The following MACF1 variants were observed in gnomAD, a reference collection of about 807,000 sequenced individuals.
MACF1 encodes microtubule actin crosslinking factor 1.
Under a neutral mutation model 854.8 loss-of-function variants are expected in MACF1, and 193 were observed. That is an observed-to-expected ratio of 0.23 (90% CI 0.20 to 0.25). The LOEUF is 0.25. MACF1 is among the 10% of genes least tolerant of loss of function. The pLI, the probability that MACF1 is intolerant of heterozygous loss-of-function variation, is 1.00. For missense variants in MACF1, 7,722 were observed against 8,929.1 expected, an observed-to-expected ratio of 0.86 and a Z score of 5.45; for synonymous variants, 3,185 against 3,226.7, an observed-to-expected ratio of 0.99 and a Z score of 0.44.
chr1:39,341,034 TC>T, intron 40 of MACF1, 81 bp downstream of exon 40: 4 of 1,144,254 alleles, frequency 3.5e-6, no homozygotes, highest in Non-Finnish European at 4.8e-6. Context: ...TCCATATTTA[TC>T]TTTTTTTTTT....
At chr1:39,274,866 T>G (rs956764738) in intron 6 of MACF1, among the ~76,000 whole-genome samples, 1 of 152,252 alleles carries the variant, frequency 6.6e-6, no homozygotes, top group East Asian at 1.9e-4. Flanking sequence ...GAGAATAATA[T>G]GAATTAATAC....
chr1:39,379,160 C>A, intron 53 of MACF1, 43 bp from the exon 54 acceptor site: 1 of 1,527,182 alleles, frequency 6.5e-7, no homozygotes, highest in South Asian at 1.3e-5. Flanking sequence ...GGAGCATACT[C>A]GAAGAGCTGT....
At position 39,444,796 on chromosome 1, in the gene MACF1, G is replaced by T; in HGVS notation, c.19566G>T (p.Gln6522His). Residue 6522 changes from glutamine (Q) to histidine (H), a missense_variant, in exon 80 of 101, where the codon CAG (glutamine) becomes CAT (histidine). Gln to His is a conservative substitution (Grantham distance 24). Around this residue, in one of 15 missense-constraint regions of MACF1, gnomAD observed 729 missense variants for 900.5 expected, o/e 0.81. Coordinates refer to ENST00000564288, the MANE Select transcript of MACF1 (RefSeq NM_001394062.1). ...AACAGAGTGTAGCACTTTTGGAGCA[G>T]AAGTGGCATGTGGTCAGCAGTAAGA... Reference protein sequence around the residue: ...KTEQSVALLEQKWHVVSSKME... With the variant: ...KTEQSVALLEHKWHVVSSKME... 1 of 1,613,448 alleles carries T rather than the reference G, an allele frequency of 6.2e-7. No homozygotes were observed. Among genetic ancestry groups the T allele is most frequent in the Non-Finnish European group, 8.5e-7 (1 of 1,179,456 alleles).
chr1:39,091,689 G>A (rs1436244928), intron 2 of MACF1, among the ~76,000 whole-genome samples: 1 of 151,970 alleles, frequency 6.6e-6, no homozygotes, highest in African/African-American at 2.4e-5. Context: ...AGAGACCCAT[G>A]GTGGGTTTCA....
chr1:39,313,970 G>A (rs79963528), intron 26 of MACF1, among the ~76,000 whole-genome samples: 10,113 of 152,116 alleles, frequency 0.066, 872 homozygotes, highest in African/African-American at 0.2. Flanking sequence ...GCTTTTTCCA[G>A]TCTCAACCCT....
chr1:39,254,380 G>A lies in MACF1; in HGVS notation c.435+5G>A, dbSNP rs747601915. 6.2e-7 allele frequency: 1 copy of A among 1,613,888 alleles called. No individual in the cohort carries two copies. Among genetic ancestry groups the A allele is most frequent in the Non-Finnish European group, 8.5e-7 (1 of 1,179,800 alleles). On this transcript the variant is annotated splice_donor_5th_base_variant and intron_variant, in intron 5 of 100. Transcript: ENST00000564288. ...GACTTCCTAAAGCAGCGACAGGTAA[G>A]ACCATCACATGCCTTCCCCATTCTT...
chr1:39,250,429 GT>G (rs1222197987), intron 3 of MACF1, among the ~76,000 whole-genome samples: 1 of 151,920 alleles, frequency 6.6e-6, no homozygotes, highest in Non-Finnish European at 1.5e-5. Flanking sequence ...ATGTTTAAAG[GT>G]TTTTTTGAAT....
chr1:39,360,795 T>G lies in MACF1; in HGVS notation c.12247T>G (p.Ser4083Ala). The change falls in exon 48 of 101, where the codon TCC becomes GCC. Residue 4083 changes from serine (S) to alanine (A), a missense_variant and splice_region_variant. Physicochemically the swap from Ser to Ala is moderately conservative, Grantham distance 99. Around this residue, in one of 15 missense-constraint regions of MACF1, gnomAD observed 2,807 missense variants for 3,235.8 expected, o/e 0.87. Transcript: ENST00000564288. ...CTTTTCATGGCCTGATTTTTCAGAT[T>G]CCATACTCAGCCACTTCCAAAGCCT... is the stretch of plus-strand genomic sequence containing the variant. ...DHRHVQETTD[S>A]ILSHFQSLSY... 6.2e-7 allele frequency: 1 copy of G among 1,601,622 alleles called. No individual in the cohort carries two copies. The highest frequency in any genetic ancestry group is 8.5e-7 in the Non-Finnish European group (1 of 1,173,250).
intron 2 of MACF1, among the ~76,000 whole-genome samples, chr1:39,095,430 G>A (rs911749312): frequency 1.3e-5 from 2 of 151,766 alleles, no homozygotes; most frequent in African/African-American, 4.8e-5. Flanking sequence ...AGGCATGGTG[G>A]TGCGCGCCTG....
Position 39,485,505 on chromosome 1 carries a change from T to C in MACF1, c.22412-33T>C, listed in dbSNP as rs368274218. On this transcript the variant is annotated intron_variant, in intron 100 of 100. Transcript: ENST00000564288. ...TTGTTCTTCCACCCCATGCCATCTC[T>C]ATTAAGTCTGCTGTTTTATTCTTGA... 171 of 1,574,358 alleles carry C rather than the reference T, an allele frequency of 1.1e-4. 1 individual carries two copies. The African/African-American group carries it at 2.0e-3, about 18-fold the overall frequency.
intron 2 of MACF1, among the ~76,000 whole-genome samples, chr1:39,128,559 C>T (rs1425413124): frequency 2.6e-5 from 4 of 152,046 alleles, no homozygotes; most frequent in African/African-American, 7.2e-5. Context: ...ATTAGCCAGG[C>T]GTGGTGGCGG....
chr1:39,235,544 T>TA (rs1027554584), intron 2 of MACF1, among the ~76,000 whole-genome samples: 3 of 152,232 alleles, frequency 2.0e-5, no homozygotes, highest in African/African-American at 7.2e-5. Context: ...TCTCCCTTGT[T>TA]ACCAAGTCCA....
At chr1:39,305,260 CAAAAAAAA>C (rs925943198) in intron 23 of MACF1, among the ~76,000 whole-genome samples, 8 of 66,080 alleles carry the variant, frequency 1.2e-4, no homozygotes, top group Non-Finnish European at 2.5e-4. Flanking sequence ...GACTCTGTCT[CAAAAAAAA>C]AAAAAAAAAG....
chr1:39,396,686 A>G lies in MACF1; in HGVS notation c.15816+8028A>G, dbSNP rs551897307. On this transcript the variant is annotated intron_variant, in intron 58 of 100. Coordinates refer to ENST00000564288, the MANE Select transcript of MACF1 (RefSeq NM_001394062.1). ...GCACTTTCAAGCTCGCTAATAAGCT[A>G]TGAGCTTCTAGGAAGTACGATGAGT... Among the ~76,000 whole-genome samples, 10 of 152,328 alleles carry G rather than the reference A, an allele frequency of 6.6e-5. No individual in the cohort carries two copies. In the East Asian group the frequency reaches 9.6e-4, roughly 15 times the overall value.
At chr1:39,480,780 G>A in intron 98 of MACF1, 140 bp from the exon 99 acceptor site, 1 of 609,832 alleles carries the variant, frequency 1.6e-6, no homozygotes, top group Non-Finnish European at 2.9e-6. Flanking sequence ...TCATCCTGAT[G>A]GACCAACATG....
intron 58 of MACF1, among the ~76,000 whole-genome samples, chr1:39,399,250 T>C (rs1642383458): frequency 6.6e-6 from 1 of 152,142 alleles, no homozygotes; most frequent in Non-Finnish European, 1.5e-5. Context: ...TGATCCCCAC[T>C]ATCTTTCCAG....
Position 39,460,596 on chromosome 1 carries a change from A to G in MACF1, c.21361-36A>G. 1 of 1,610,338 alleles carries G rather than the reference A, an allele frequency of 6.2e-7. No individual in the cohort carries two copies. The highest frequency in any genetic ancestry group is 2.2e-5 in the East Asian group (1 of 44,820). ...TCTGGGCAGCTTTTGAGGGCCCAAA[A>G]AATAAATCTTATTGACACTTCTGAT... On this transcript the variant is annotated intron_variant, in intron 91 of 100. Coordinates refer to ENST00000564288, the MANE Select transcript of MACF1 (RefSeq NM_001394062.1). The surrounding 1 kb of genome is among the most constrained non-coding windows in gnomAD (Gnocchi z 4.1).
intron 51 of MACF1, among the ~76,000 whole-genome samples, chr1:39,372,109 A>G (rs186658631): frequency 3.3e-5 from 5 of 152,186 alleles, no homozygotes; most frequent in Admixed American, 3.3e-4. Context: ...GTGAACCACC[A>G]TGCCCAGCCA....
At chr1:39,465,190 G>A (rs181520507) in intron 95 of MACF1, 78 bp downstream of exon 95, 58 of 1,421,292 alleles carry the variant, frequency 4.1e-5, no homozygotes, top group East Asian at 3.4e-4. Context: ...TTCGCTATGG[G>A]GAGAGGATGT....
Sources: allele counts gnomAD v4.1 joint callset (sites outside exome capture counted in the v4.1 genomes callset), GRCh38; gene constraint gnomAD v4.1.1; regional missense constraint gnomAD v4.1.1; non-coding constraint Gnocchi (gnomAD v3.1); transcripts MANE v1.5; gene names NCBI Gene and HGNC (gene_info 2026-07-23, HGNC 2026-07-21).